TMX2: variants seen among roughly 807,000 people sequenced by gnomAD.
TMX2 encodes the protein thioredoxin-related transmembrane protein 2.
Under a neutral mutation model 33.4 loss-of-function variants are expected in TMX2, and 20 were observed. The ratio of observed to expected loss-of-function variants is 0.60; its 90% CI spans 0.42 to 0.87. TMX2 has a LOEUF of 0.87. TMX2 is among the 40% of genes least tolerant of loss of function. The pLI, the probability that TMX2 is intolerant of heterozygous loss-of-function variation, is 0.00. For synonymous variants in TMX2, 166 were observed against 140.7 expected (o/e 1.18, Z -1.27); for missense variants, 340 against 370.7 (o/e 0.92, Z 0.68).
At position 57,737,489 on chromosome 11, in the gene TMX2, T is replaced by C. The variant is rs146961382; in HGVS notation, c.190-119T>C. The C allele has an allele frequency of 8.4e-4, 655 of 781,868 alleles. 12 individuals are homozygous for C. The East Asian group carries it at 0.015, about 18-fold the overall frequency. 48.4% of individuals were successfully genotyped at this position (781,868 alleles called of 1,614,324 possible). On this transcript the variant is annotated intron_variant, in intron 1 of 7. Transcript: ENST00000278422. The stretch of plus-strand genomic sequence containing the variant: ...TACACCTTACCTAACTGCAGTTCTT[T>C]ATTGTTCCCATTCCCAGTTTGGATC...
chr11:57,728,631 G>A (rs1343352711), intron 1 of TMX2, among the ~76,000 whole-genome samples: 2 of 151,988 alleles, frequency 1.3e-5, no homozygotes, highest in African/African-American at 2.4e-5. Flanking sequence ...TTGTAGTTTG[G>A]GTATGCATTC....
intron 1 of TMX2, among the ~76,000 whole-genome samples, chr11:57,723,805 A>AAATAATAATAATAATAATAATAAT (rs71061533): frequency 8.4e-5 from 12 of 142,342 alleles, no homozygotes; most frequent in South Asian, 2.2e-4. Flanking sequence ...TCTGTCTCAA[A>AAATAATAATAATAATAATAATAAT]AATAATAATA....
chr11:57,737,250 T>C (rs1356507451), intron 1 of TMX2, among the ~76,000 whole-genome samples: 2 of 152,142 alleles, frequency 1.3e-5, no homozygotes, highest in African/African-American at 4.8e-5. Context: ...TGAAACCCTG[T>C]CTCTACTAAA....
intron 1 of TMX2, among the ~76,000 whole-genome samples, chr11:57,730,777 T>C (rs1406340941): frequency 6.6e-6 from 1 of 152,122 alleles, no homozygotes; most frequent in African/African-American, 2.4e-5. Context: ...GAGTGAATTT[T>C]TGCCCTCAAA....
chr11:57,719,989 C>T (rs928113238), intron 1 of TMX2, among the ~76,000 whole-genome samples: 6 of 151,360 alleles, frequency 4.0e-5, no homozygotes, highest in African/African-American at 1.2e-4. Flanking sequence ...TTGAGGAAGA[C>T]AAAAAAAAGG....
At chr11:57,713,742 A>G (rs971990528) in intron 1 of TMX2, among the ~76,000 whole-genome samples, 1 of 152,220 alleles carries the variant, frequency 6.6e-6, no homozygotes, top group Non-Finnish European at 1.5e-5. Context: ...TTTCATAGGA[A>G]TATGGGAGAT....
At position 57,737,181 on chromosome 11, in the gene TMX2, C is replaced by T. The variant is rs1948801335; in HGVS notation, c.190-427C>T. 2.0e-5 allele frequency among the ~76,000 whole-genome samples: 3 copies of T among 152,276 alleles called. No homozygotes were observed. The South Asian group carries it at 6.2e-4, about 32-fold the overall frequency. ...TGGCGCGGTGGCTCGTGCCTGTAATCTCAGCACTTTGGTGGATCACCTGAG... is the reference window on the plus strand; with the variant it reads ...TGGCGCGGTGGCTCGTGCCTGTAATTTCAGCACTTTGGTGGATCACCTGAG... On this transcript the variant is annotated intron_variant, in intron 1 of 7. Coordinates refer to ENST00000278422, the MANE Select transcript of TMX2 (RefSeq NM_015959.4).
chr11:57,732,748 G>A (rs1948475771), intron 1 of TMX2, among the ~76,000 whole-genome samples: 1 of 151,916 alleles, frequency 6.6e-6, no homozygotes, highest in South Asian at 2.1e-4. Context: ...ATCCTTTTGG[G>A]TTTTTATGGA....
chr11:57,730,460 G>C (rs1408818169), intron 1 of TMX2, among the ~76,000 whole-genome samples: 1 of 139,698 alleles, frequency 7.2e-6, no homozygotes, highest in Non-Finnish European at 1.5e-5. Context: ...AAAAAGGCCA[G>C]GCATGGTGGC....
chr11:57,720,153 A>T (rs1308272352), intron 1 of TMX2, among the ~76,000 whole-genome samples: 2 of 139,240 alleles, frequency 1.4e-5, no homozygotes, highest in South Asian at 2.4e-4. Flanking sequence ...AAAAAAAAAA[A>T]GGTGCCACTG....
Position 57,729,972 on chromosome 11 carries a change from G to T in TMX2, c.190-7636G>T, listed in dbSNP as rs189477775. Among the ~76,000 whole-genome samples the T allele has an allele frequency of 4.0e-5, 6 of 151,328 alleles. No individual in the cohort carries two copies. In the East Asian group the frequency reaches 1.2e-3, roughly 29 times the overall value. On this transcript the variant is annotated intron_variant, in intron 1 of 7. Coordinates refer to ENST00000278422, the MANE Select transcript of TMX2 (RefSeq NM_015959.4). The stretch of plus-strand genomic sequence containing the variant: ...AAAATACAAAAATTAGCCAGGCATG[G>T]TGGCATGCACTGTAGTCCCAGCTAC...
Position 57,738,713 on chromosome 11 carries a change from C to T in TMX2, c.491C>T (p.Ala164Val), listed in dbSNP as rs759498384. The change falls in exon 5 of 8, where the codon GCC (alanine) becomes GTC (valine). Residue 164 changes from alanine to valine, a missense_variant. Physicochemically the swap from Ala to Val is moderately conservative, Grantham distance 64. Coordinates refer to ENST00000278422, the MANE Select transcript of TMX2 (RefSeq NM_015959.4). ...KRVTWIVEFF[A>V]NWSNDCQSFA... ...GTCACTTGGATTGTGGAGTTCTTTG[C>T]CAATTGGTCTAATGACTGCCAATCA... 9 of 1,614,086 alleles carry T rather than the reference C, an allele frequency of 5.6e-6. No individual in the cohort carries two copies. Among genetic ancestry groups the T allele is most frequent in the Non-Finnish European group, 7.6e-6 (9 of 1,180,026 alleles).
intron 1 of TMX2, among the ~76,000 whole-genome samples, chr11:57,720,108 G>T (rs975675560): frequency 7.1e-6 from 1 of 141,520 alleles, no homozygotes; most frequent in Non-Finnish European, 1.5e-5. Context: ...GGCCAACGTG[G>T]TGAAACCCCA....
intron 1 of TMX2, among the ~76,000 whole-genome samples, chr11:57,723,431 C>T (rs1339512947): frequency 5.2e-5 from 7 of 135,836 alleles, no homozygotes; most frequent in African/African-American, 1.1e-4. Context: ...TGCAGTGAGC[C>T]GGGATTGTGC....
intron 1 of TMX2, among the ~76,000 whole-genome samples, chr11:57,734,157 C>CAAAAAAA (rs60802364): frequency 4.0e-5 from 2 of 49,762 alleles, no homozygotes; most frequent in African/African-American, 1.2e-4. Flanking sequence ...ACCCTGTCTC[C>CAAAAAAA]AAAAAAAAAA....
chr11:57,712,850 C>T, intron 1 of TMX2, 43 bp downstream of exon 1: 1 of 1,609,738 alleles, frequency 6.2e-7, no homozygotes, highest in South Asian at 1.1e-5. Flanking sequence ...TTGACTGTCC[C>T]TGCCCTTGCA....
At chr11:57,738,908 T>C in intron 5 of TMX2, 66 bp from the exon 6 acceptor site, 1 of 1,567,264 alleles carries the variant, frequency 6.4e-7, no homozygotes. Flanking sequence ...CTCTTAAATA[T>C]CTATACTTCC....
chr11:57,731,307 T>C (rs957725045), intron 1 of TMX2, among the ~76,000 whole-genome samples: 3 of 151,788 alleles, frequency 2.0e-5, no homozygotes, highest in Non-Finnish European at 4.4e-5. Context: ...CTAATTTTTG[T>C]ATTTTTAGTA....
chr11:57,728,057 C>T (rs1403699627), intron 1 of TMX2, among the ~76,000 whole-genome samples: 1 of 152,232 alleles, frequency 6.6e-6, no homozygotes, highest in Non-Finnish European at 1.5e-5. Context: ...AAGCTCTACC[C>T]AGACCACCTT....
Sources: gnomAD v4.1 joint callset for allele counts (sites outside exome capture counted in the v4.1 genomes callset) on GRCh38, gnomAD v4.1.1 for gene constraint, MANE v1.5 for transcripts, NCBI Gene and HGNC (gene_info 2026-07-23, HGNC 2026-07-21) for gene names.